FAT2: variants seen among roughly 807,000 people sequenced by gnomAD.
The protein encoded by FAT2 is protocadherin Fat 2.
A neutral mutation model predicts 295.3 loss-of-function variants in FAT2; 150 were observed. That is an observed-to-expected ratio of 0.51 (90% CI 0.44 to 0.58). FAT2 has a LOEUF of 0.58. FAT2 is among the 20% of genes least tolerant of loss of function. The pLI, the probability that FAT2 is intolerant of heterozygous loss-of-function variation, is 0.00. For synonymous variants in FAT2, 2,026 were observed against 2,150.3 expected (o/e 0.94, Z 1.60); for missense variants, 4,868 against 5,442.7 (o/e 0.89, Z 3.32).
chr5:151,565,647 A>AGGCCCCCCCCC, intron 2 of FAT2, 26 bp downstream of exon 2: 3 of 1,461,024 alleles, frequency 2.1e-6, no homozygotes, highest in Non-Finnish European at 1.9e-6. Flanking sequence ...TGGCCCTGGC[A>AGGCCCCCCCCC]CCCCACCCTA....
At position 151,537,841 on chromosome 5, in the gene FAT2, A is replaced by C; in HGVS notation, c.9145T>G (p.Ser3049Ala). The C allele has an allele frequency of 6.2e-7, 1 of 1,614,160 alleles. No individual in the cohort carries two copies. Among genetic ancestry groups the C allele is most frequent in the Non-Finnish European group, 8.5e-7 (1 of 1,180,000 alleles). ...DTDTNAQITY[S>A]LHGPGAHEFK... is the part of the protein sequence containing the mutation. The stretch of plus-strand genomic sequence containing the variant: ...TCATGCGCCCCAGGGCCATGCAGAG[A>C]ATATGTGATCTGAGCATTGGTATCA... The change falls in exon 12 of 24, where the codon TCT becomes GCT. Residue 3049 changes from serine to alanine, a missense_variant. Transcript: ENST00000261800.
intron 20 of FAT2, among the ~76,000 whole-genome samples, chr5:151,516,300 A>G (rs993201584): frequency 6.6e-6 from 1 of 152,212 alleles, no homozygotes; most frequent in Admixed American, 6.5e-5. Context: ...GCTTGAGGCC[A>G]GGAGTTCAAG....
intron 11 of FAT2, among the ~76,000 whole-genome samples, chr5:151,538,736 G>A (rs1755769938): frequency 6.6e-6 from 1 of 152,136 alleles, no homozygotes; most frequent in African/African-American, 2.4e-5. Context: ...TGAGTGCAGT[G>A]GCACGATCTT....
chr5:151,556,983 G>A (rs1027474339), intron 3 of FAT2, among the ~76,000 whole-genome samples: 6 of 152,174 alleles, frequency 3.9e-5, no homozygotes, highest in African/African-American at 1.4e-4. Context: ...CAGAGATAAT[G>A]TGTCAGGTGA....
At chr5:151,574,073 G>A (rs997202836) in intron 1 of FAT2, among the ~76,000 whole-genome samples, 4 of 152,020 alleles carry the variant, frequency 2.6e-5, no homozygotes, top group Non-Finnish European at 4.4e-5. Context: ...GACCCTAAAC[G>A]AGCCCCCCAA....
Position 151,542,333 on chromosome 5 carries a change from C to T in FAT2, c.8794G>A (p.Asp2932Asn). 2 of 1,613,410 alleles carry T rather than the reference C, an allele frequency of 1.2e-6. No individual in the cohort carries two copies. Among genetic ancestry groups the T allele is most frequent in the Non-Finnish European group, 1.7e-6 (2 of 1,179,598 alleles). ...GELVATLKTLDADISEQNRQV... is the reference protein window; with the variant it reads ...GELVATLKTLNADISEQNRQV... ...CTGTTCTGCTCAGAAATGTCAGCAT[C>T]CAGGGTCTTTAGAGTCGCCACCAGT... is the stretch of plus-strand genomic sequence containing the variant. Residue 2932 changes from aspartate (D) to asparagine (N), a missense_variant, in exon 10 of 24, where the codon GAT (aspartate) becomes AAT (asparagine). Around this residue, in one of 5 missense-constraint regions of FAT2, gnomAD observed 3,297 missense variants for 3,669.4 expected, o/e 0.90. Transcript: ENST00000261800.
intron 20 of FAT2, among the ~76,000 whole-genome samples, chr5:151,513,340 A>C (rs1752508851): frequency 1.3e-5 from 2 of 152,208 alleles, no homozygotes; most frequent in Non-Finnish European, 2.9e-5. Context: ...CATGGAATCA[A>C]CCTAGATGCT....
chr5:151,528,255 A>C (rs1231692411), intron 15 of FAT2, 122 bp from the exon 16 acceptor site: 12 of 1,201,600 alleles, frequency 1.0e-5, no homozygotes, highest in Non-Finnish European at 1.4e-5. Flanking sequence ...CCTGGATCAC[A>C]GTTGTCCCTG....
At position 151,566,589 on chromosome 5, in the gene FAT2, T is replaced by C; in HGVS notation, c.2343A>G (p.Glu781=). The C allele has an allele frequency of 6.2e-7, 1 of 1,614,172 alleles. No individual in the cohort carries two copies. The stretch of plus-strand genomic sequence containing the variant: ...CATTGAGGATGTAGAAATTGGTGGC[T>C]TCATAGTCCAAGGGAGCAGCTACAG... ...LLTVAAPLDY[E]ATNFYILNVT... The change falls in exon 2 of 24, where the codon GAA becomes GAG. Residue 781 remains glutamate (E), a synonymous_variant. Transcript: ENST00000261800.
chr5:151,532,080 G>T (rs754507198), intron 13 of FAT2, 110 bp from the exon 14 acceptor site: 11 of 1,412,004 alleles, frequency 7.8e-6, no homozygotes, highest in South Asian at 2.7e-5. Context: ...CCATGAAGGC[G>T]GACAAGCTGG....
Position 151,545,394 on chromosome 5 carries a change from A to G in FAT2, c.5733T>C (p.Asn1911=), listed in dbSNP as rs1307695392. 1 of 1,614,164 alleles carries G rather than the reference A, an allele frequency of 6.2e-7. No homozygotes were observed. The highest frequency in any genetic ancestry group is 1.7e-5 in the Admixed American group (1 of 60,022). The change falls in exon 10 of 24, where the codon AAT becomes AAC. Residue 1911 remains asparagine (N), a synonymous_variant. Coordinates refer to ENST00000261800, the MANE Select transcript of FAT2 (RefSeq NM_001447.3). ...SEVNYSIKTG[N]ADEAVTIHPV... Reference sequence around the variant, plus strand: ...GATGGATGGTAACAGCTTCATCAGCATTGCCAGTTTTGATGCTATAATTGA... The same window carrying G: ...GATGGATGGTAACAGCTTCATCAGCGTTGCCAGTTTTGATGCTATAATTGA...
At position 151,566,180 on chromosome 5, in the gene FAT2, C is replaced by T; in HGVS notation, c.2752G>A (p.Val918Ile). 6.2e-7 allele frequency: 1 copy of T among 1,614,158 alleles called. No homozygotes were observed. Among genetic ancestry groups the T allele is most frequent in the Non-Finnish European group, 8.5e-7 (1 of 1,180,034 alleles). The change falls in exon 2 of 24, where the codon GTC becomes ATC. Residue 918 changes from valine to isoleucine, a missense_variant. Coordinates refer to ENST00000261800, the MANE Select transcript of FAT2 (RefSeq NM_001447.3). Reference sequence around the variant, plus strand: ...ATGCACTGGGGAGAGTTGTCGTTGACATCCTCCAATGTGATTATCAGGTCA... The same window carrying T: ...ATGCACTGGGGAGAGTTGTCGTTGATATCCTCCAATGTGATTATCAGGTCA... ...VTDLIITLED[V>I]NDNSPQCITE... is the part of the protein sequence containing the mutation.
chr5:151,570,943 G>C (rs1322329535), intron 1 of FAT2, among the ~76,000 whole-genome samples: 2 of 152,036 alleles, frequency 1.3e-5, no homozygotes, highest in Admixed American at 1.3e-4. Flanking sequence ...GGGTCTGAAG[G>C]CCTGTGACAG....
At position 151,544,967 on chromosome 5, in the gene FAT2, C is replaced by G. The variant is rs746748302; in HGVS notation, c.6160G>C (p.Gly2054Arg). 1.2e-6 allele frequency: 2 copies of G among 1,614,112 alleles called. No individual in the cohort carries two copies. Among genetic ancestry groups the G allele is most frequent in the Non-Finnish European group, 1.7e-6 (2 of 1,180,020 alleles). Reference protein sequence around the residue: ...DNRTPQRVAQGLVRVSIEDVN... With the variant: ...DNRTPQRVAQRLVRVSIEDVN... ...TCCTCAATAGAGACTCTGACCAAACCCTGAGCCACCCGCTGAGGTGTCCGA... is the reference window on the plus strand; with the variant it reads ...TCCTCAATAGAGACTCTGACCAAACGCTGAGCCACCCGCTGAGGTGTCCGA... Residue 2054 changes from glycine (G) to arginine (R), a missense_variant, in exon 10 of 24, where the codon GGT (glycine) becomes CGT (arginine). Physicochemically the swap from Gly to Arg is moderately radical, Grantham distance 125. Coordinates refer to ENST00000261800, the MANE Select transcript of FAT2 (RefSeq NM_001447.3).
At position 151,563,496 on chromosome 5, in the gene FAT2, G is replaced by T. The variant is rs755283867; in HGVS notation, c.3403C>A (p.Pro1135Thr). 2.0e-5 allele frequency: 33 copies of T among 1,614,074 alleles called. No homozygotes were observed. The highest frequency in any genetic ancestry group is 8.0e-5 in the African/African-American group (6 of 74,922). The change falls in exon 3 of 24, where the codon CCC becomes ACC. Residue 1135 changes from proline (P) to threonine (T), a missense_variant. This residue lies in a region of FAT2 where 3,297 missense variants were observed against 3,669.4 expected (regional missense o/e 0.90). Transcript: ENST00000261800. ...IEVTDANDNPPQMSQAVFYPS... is the reference protein window; with the variant it reads ...IEVTDANDNPTQMSQAVFYPS... ...TAGAACACAGCTTGGGACATCTGGG[G>T]TGGGTTGTCATTGGCATCCGTAACC... is the stretch of plus-strand genomic sequence containing the variant.
intron 1 of FAT2, among the ~76,000 whole-genome samples, chr5:151,570,716 G>A (rs548667949): frequency 1.4e-4 from 22 of 152,306 alleles, no homozygotes; most frequent in South Asian, 8.3e-4. Context: ...AGCCAGATGC[G>A]CTGGAGCATT....
Position 151,527,395 on chromosome 5 carries a change from G to A in FAT2, c.10165-18C>T, listed in dbSNP as rs1430060468. 6.3e-7 allele frequency: 1 copy of A among 1,579,652 alleles called. No homozygotes were observed. The highest frequency in any genetic ancestry group is 2.3e-5 in the East Asian group (1 of 44,074). On this transcript the variant is annotated intron_variant, in intron 16 of 23. Coordinates refer to ENST00000261800, the MANE Select transcript of FAT2 (RefSeq NM_001447.3). ...CTAGAGGCCTATTGCAAAATGTCCA[G>A]TGGAGGTTAGCAATGAGGTAGCTGT...
At chr5:151,590,549 C>T (rs1759358423) in intron 1 of FAT2, among the ~76,000 whole-genome samples, 2 of 152,236 alleles carry the variant, frequency 1.3e-5, no homozygotes, top group Non-Finnish European at 2.9e-5. Context: ...GCCACTCAGA[C>T]TCATGGTCTT....
In FAT2 at chr5:151,529,183, G is replaced by A; in HGVS notation, c.10021C>T (p.Leu3341Phe). The A allele has an allele frequency of 6.2e-7, 1 of 1,613,992 alleles. No individual in the cohort carries two copies. Among genetic ancestry groups the A allele is most frequent in the Non-Finnish European group, 8.5e-7 (1 of 1,179,898 alleles). ...LENALVGDVI[L>F]TVSATDEDGP... ...GCAAGGTGGCAGATCCTTACCGTGA[G>A]GATGACGTCACCCACAAGGGCATTC... is the stretch of plus-strand genomic sequence containing the variant. Residue 3341 changes from leucine to phenylalanine, a missense_variant, in exon 15 of 24, where the codon CTC becomes TTC. Physicochemically the swap from Leu to Phe is conservative, Grantham distance 22. Transcript: ENST00000261800.
Sources: allele counts gnomAD v4.1 joint callset (sites outside exome capture counted in the v4.1 genomes callset), GRCh38; gene constraint gnomAD v4.1.1; regional missense constraint gnomAD v4.1.1; transcripts MANE v1.5; gene names NCBI Gene and HGNC (gene_info 2026-07-23, HGNC 2026-07-21).